PAPOLA: variants seen among roughly 807,000 people sequenced by gnomAD.
PAPOLA encodes the protein polynucleotide adenylyltransferase alpha.
Under a neutral mutation model 100.6 loss-of-function variants are expected in PAPOLA, and 15 were observed. That is an observed-to-expected ratio of 0.15 (90% CI 0.10 to 0.23). PAPOLA has a LOEUF of 0.23. Among genes scored for constraint, PAPOLA ranks in the 10% least tolerant of loss-of-function variants. The pLI, the probability that PAPOLA is intolerant of heterozygous loss-of-function variation, is 1.00. For synonymous variants in PAPOLA, 293 were observed against 300.0 expected (o/e 0.98, Z 0.24); for missense variants, 533 against 884.2 (o/e 0.60, Z 5.04).
chr14:96,514,601 A>G (rs1051377124), intron 1 of PAPOLA, among the ~76,000 whole-genome samples: 2 of 152,256 alleles, frequency 1.3e-5, no homozygotes, highest in African/African-American at 4.8e-5. Context: ...TAAATAGCCA[A>G]CAGTCAACAA....
chr14:96,502,775 C>G (rs1000167393), intron 1 of PAPOLA, 175 bp downstream of exon 1: 42 of 630,006 alleles, frequency 6.7e-5, no homozygotes, highest in Non-Finnish European at 7.6e-6. Flanking sequence ...CCGCACTTCC[C>G]CCCGTGTGCT....
intron 1 of PAPOLA, 155 bp downstream of exon 1, chr14:96,502,755 T>G (rs1338518202): frequency 1.4e-6 from 1 of 731,752 alleles, no homozygotes; most frequent in African/African-American, 2.4e-5. Context: ...GTTTCCTCGC[T>G]CGCTCGCCGC....
chr14:96,526,089 C>G (rs899991000), intron 4 of PAPOLA: 2 of 152,116 alleles, frequency 1.3e-5, no homozygotes, highest in African/African-American at 4.8e-5. Flanking sequence ...CAATGATAAT[C>G]AGTTAATAGT....
chr14:96,506,143 C>T (rs1297340349), intron 1 of PAPOLA, among the ~76,000 whole-genome samples: 9 of 151,700 alleles, frequency 5.9e-5, no homozygotes, highest in Admixed American at 5.9e-4. Flanking sequence ...ACCTCGTGAT[C>T]CCCCCCCACC....
At chr14:96,542,450 G>A (rs1263968878) in intron 13 of PAPOLA, 154 bp downstream of exon 13, 25 of 576,354 alleles carry the variant, frequency 4.3e-5, no homozygotes, top group Non-Finnish European at 7.4e-5. Context: ...TGGAAGTACA[G>A]AAATCAGGAG....
intron 3 of PAPOLA, among the ~76,000 whole-genome samples, chr14:96,522,048 T>C (rs1898014020): frequency 1.3e-5 from 2 of 150,030 alleles, no homozygotes; most frequent in African/African-American, 4.9e-5. Context: ...GTGATCCACC[T>C]TCCTTGGCCT....
chr14:96,512,503 A>G (rs921999067), intron 1 of PAPOLA, among the ~76,000 whole-genome samples: 1 of 152,244 alleles, frequency 6.6e-6, no homozygotes, highest in African/African-American at 2.4e-5. Context: ...CTGGTCCAGT[A>G]AACTTAGTCA....
At position 96,544,918 on chromosome 14, in the gene PAPOLA, A is replaced by G. The variant is rs78559398; in HGVS notation, c.1399+660A>G. ...TAGATTTCAGATTGACCTGTACCCTAAGATGAAAGGTAGTTCATTTTAACC... is the reference window on the plus strand; with the variant it reads ...TAGATTTCAGATTGACCTGTACCCTGAGATGAAAGGTAGTTCATTTTAACC... On this transcript the variant is annotated intron_variant, in intron 15 of 21. Transcript: ENST00000216277. Among the ~76,000 whole-genome samples, 16 of 152,194 alleles carry G rather than the reference A, an allele frequency of 1.1e-4. No homozygotes were observed. In the East Asian group the frequency reaches 2.5e-3, roughly 24 times the overall value.
chr14:96,520,871 C>T (rs950002847), intron 2 of PAPOLA, 135 bp from the exon 3 acceptor site: 6 of 597,026 alleles, frequency 1.0e-5, no homozygotes, highest in Middle Eastern at 2.7e-4. Context: ...AGCGAGCGAG[C>T]GTGCACTAAC....
At chr14:96,539,964 A>G (rs1430330942) in intron 12 of PAPOLA, among the ~76,000 whole-genome samples, 2 of 152,140 alleles carry the variant, frequency 1.3e-5, no homozygotes, top group African/African-American at 2.4e-5. Context: ...GTGGCTGAGT[A>G]AAGGACATTT....
intron 15 of PAPOLA, among the ~76,000 whole-genome samples, chr14:96,547,220 C>T (rs1900461577): frequency 6.6e-6 from 1 of 151,922 alleles, no homozygotes; most frequent in African/African-American, 2.4e-5. Context: ...TTTTGTATGA[C>T]CGACTTTTTT....
intron 4 of PAPOLA, chr14:96,525,954 G>A (rs936431901): frequency 6.6e-6 from 1 of 152,012 alleles, no homozygotes; most frequent in Admixed American, 6.6e-5. Context: ...TATCACTCTG[G>A]AAATAGAACA....
Position 96,520,228 on chromosome 14 carries a change from G to A in PAPOLA, c.182G>A (p.Arg61Lys), listed in dbSNP as rs752001893. The A allele has an allele frequency of 6.3e-7, 1 of 1,593,492 alleles. No individual in the cohort carries two copies. The highest frequency in any genetic ancestry group is 8.5e-7 in the Non-Finnish European group (1 of 1,172,188). Residue 61 changes from arginine (R) to lysine (K), a missense_variant and splice_region_variant, in exon 2 of 22, where the codon AGG becomes AAG. Coordinates refer to ENST00000216277, the MANE Select transcript of PAPOLA (RefSeq NM_032632.5). ...GAAGAGGAAGAGGAACTGCAGCGCA[G>A]GTAAATAGATATTCTATATTTTTTT... ...VFEEEEELQR[R>K]ILILGKLNNL...
At chr14:96,508,316 T>C (rs564544692) in intron 1 of PAPOLA, among the ~76,000 whole-genome samples, 9 of 152,346 alleles carry the variant, frequency 5.9e-5, no homozygotes, top group African/African-American at 2.2e-4. Context: ...ATAACAGAAC[T>C]GTGGGAGATT....
chr14:96,545,956 C>T (rs1900364981), intron 15 of PAPOLA, among the ~76,000 whole-genome samples: 1 of 152,026 alleles, frequency 6.6e-6, no homozygotes, highest in Non-Finnish European at 1.5e-5. Flanking sequence ...AAAGATTGCA[C>T]TAATGAACCA....
At chr14:96,538,338 T>C (rs1213279485) in intron 12 of PAPOLA, among the ~76,000 whole-genome samples, 1 of 151,982 alleles carries the variant, frequency 6.6e-6, no homozygotes, top group Non-Finnish European at 1.5e-5. Flanking sequence ...TAAGAAAGAT[T>C]AATGTTTACA....
chr14:96,527,209 G>C (rs1566844912), intron 4 of PAPOLA: 7 of 470,906 alleles, frequency 1.5e-5, no homozygotes, highest in Non-Finnish European at 2.6e-5. Context: ...CAGTTTACTT[G>C]GGCCACTATA....
chr14:96,526,154 T>A (rs1898457347), intron 4 of PAPOLA: 1 of 152,254 alleles, frequency 6.6e-6, no homozygotes, highest in South Asian at 2.1e-4. Context: ...AAATGTTACC[T>A]CGGCAAAGAA....
chr14:96,529,928 G>A (rs1382457494), intron 6 of PAPOLA, among the ~76,000 whole-genome samples: 1 of 152,144 alleles, frequency 6.6e-6, no homozygotes, highest in Non-Finnish European at 1.5e-5. Context: ...AACTGTGGTT[G>A]TTTTAGGCTG....
Sources: allele counts gnomAD v4.1 joint callset (sites outside exome capture counted in the v4.1 genomes callset), GRCh38; gene constraint gnomAD v4.1.1; transcripts MANE v1.5; gene names NCBI Gene and HGNC (gene_info 2026-07-23, HGNC 2026-07-21).